NYAP2: variants seen among roughly 807,000 people sequenced by gnomAD.
NYAP2 encodes the protein neuronal tyrosine-phosphorylated phosphoinositide-3-kinase adaptor 2.
In NYAP2, 23 loss-of-function variants were observed where a neutral mutation model predicts 50.4. That is an observed-to-expected ratio of 0.46 (90% CI 0.33 to 0.65). The LOEUF (loss-of-function observed/expected upper bound fraction) is 0.65. Among genes scored for constraint, NYAP2 ranks in the 30% least tolerant of loss-of-function variants. The probability of loss-of-function intolerance (pLI) is 0.02; values close to 1 mark genes in which losing one functional copy is unlikely to be tolerated. For synonymous variants in NYAP2, 394 were observed against 365.2 expected, an observed-to-expected ratio of 1.08 and a Z score of -0.90; for missense variants, 885 against 861.0, an observed-to-expected ratio of 1.03 and a Z score of -0.35.
intron 3 of NYAP2, among the ~76,000 whole-genome samples, chr2:225,504,030 G>A (rs1395536332): frequency 2.6e-5 from 4 of 152,166 alleles, no homozygotes; most frequent in Non-Finnish European, 5.9e-5. Context: ...GCTATTTGAT[G>A]ACTGGGAACA....
intron 5 of NYAP2, among the ~76,000 whole-genome samples, chr2:225,617,119 C>T (rs904179102): frequency 6.6e-6 from 1 of 152,186 alleles, no homozygotes; most frequent in Non-Finnish European, 1.5e-5. Flanking sequence ...ACCAAGCGAT[C>T]TCTATGTGAG....
chr2:225,529,118 A>C (rs1283548147), intron 4 of NYAP2, among the ~76,000 whole-genome samples: 2 of 152,206 alleles, frequency 1.3e-5, no homozygotes, highest in East Asian at 3.9e-4. Flanking sequence ...AGGATTTTCT[A>C]AACAAAATGG....
rs138400553 is a variant in NYAP2, at chr2:225,597,706, C to T, written c.1618+14671C>T. Among the ~76,000 whole-genome samples, 80 of 150,398 alleles carry T rather than the reference C, an allele frequency of 5.3e-4. 1 individual carries two copies. The East Asian group carries it at 0.015, about 28-fold the overall frequency. ...TGGGAATGCTGGATCAAATAACAGC[C>T]GTTCTTTTAGGAAAAGCCAAACTTT... On this transcript the variant is annotated intron_variant, in intron 5 of 6. Transcript: ENST00000636099.
intron 4 of NYAP2, among the ~76,000 whole-genome samples, chr2:225,540,627 A>G (rs962785659): frequency 2.0e-5 from 3 of 152,192 alleles, no homozygotes; most frequent in Non-Finnish European, 4.4e-5. Context: ...GCCAAATCAT[A>G]TCAGGCTGAA....
intron 2 of NYAP2, among the ~76,000 whole-genome samples, chr2:225,401,942 T>A (rs1474558931): frequency 6.6e-6 from 1 of 152,042 alleles, no homozygotes; most frequent in Non-Finnish European, 1.5e-5. Context: ...TAGTGTGGAA[T>A]AACAAATATA....
chr2:225,459,929 C>T (rs1344384288), intron 3 of NYAP2, among the ~76,000 whole-genome samples: 1 of 152,174 alleles, frequency 6.6e-6, no homozygotes, highest in African/African-American at 2.4e-5. Context: ...ACCTCGGCCT[C>T]CCAAAGTTCT....
intron 6 of NYAP2, among the ~76,000 whole-genome samples, chr2:225,643,594 C>T (rs1574726884): frequency 7.0e-6 from 1 of 142,556 alleles, no homozygotes; most frequent in Non-Finnish European, 1.5e-5. Context: ...TCCCTCCCCC[C>T]TCCCCCACCC....
chr2:225,635,226 G>A (rs999433236), intron 6 of NYAP2, among the ~76,000 whole-genome samples: 1 of 152,158 alleles, frequency 6.6e-6, no homozygotes, highest in African/African-American at 2.4e-5. Flanking sequence ...TACTCATGAC[G>A]GTCCTTTTTG....
chr2:225,583,765 G>T (rs925553631), intron 5 of NYAP2, among the ~76,000 whole-genome samples: 2 of 152,188 alleles, frequency 1.3e-5, no homozygotes, highest in Non-Finnish European at 2.9e-5. Context: ...TTGAGGCCAG[G>T]CATGGTGGCT....
chr2:225,450,444 C>T (rs1377589845), intron 3 of NYAP2, among the ~76,000 whole-genome samples: 4 of 152,156 alleles, frequency 2.6e-5, no homozygotes, highest in African/African-American at 4.8e-5. Context: ...ATGAAAATCA[C>T]AGCAATAGAA....
At chr2:225,589,287 C>A (rs1230414209) in intron 5 of NYAP2, among the ~76,000 whole-genome samples, 9 of 149,010 alleles carry the variant, frequency 6.0e-5, no homozygotes, top group African/African-American at 2.0e-4. Flanking sequence ...ATCAACTTCC[C>A]AAAAAAATAA....
chr2:225,579,419 C>T (rs1314884655), intron 4 of NYAP2, among the ~76,000 whole-genome samples: 2 of 152,194 alleles, frequency 1.3e-5, no homozygotes, highest in East Asian at 3.8e-4. Flanking sequence ...TGTCCAGATT[C>T]CTTCTCAATT....
chr2:225,492,606 G>T (rs141486270), intron 3 of NYAP2, among the ~76,000 whole-genome samples: 137 of 152,284 alleles, frequency 9.0e-4, no homozygotes, highest in Admixed American at 3.7e-3. Context: ...ATAAAGAAAA[G>T]TTTAATTGGC....
chr2:225,480,516 G>A (rs753159941), intron 3 of NYAP2, among the ~76,000 whole-genome samples: 4 of 152,074 alleles, frequency 2.6e-5, no homozygotes, highest in Admixed American at 6.5e-5. Flanking sequence ...TGGACATGCC[G>A]AGGAAGGAAA....
intron 3 of NYAP2, among the ~76,000 whole-genome samples, chr2:225,437,535 A>C (rs975217131): frequency 1.3e-5 from 2 of 152,042 alleles, no homozygotes; most frequent in African/African-American, 4.8e-5. Flanking sequence ...TCATGTTTTC[A>C]CTTCCTGCCA....
intron 5 of NYAP2, among the ~76,000 whole-genome samples, chr2:225,613,320 A>G (rs1477446992): frequency 6.6e-6 from 1 of 152,274 alleles, no homozygotes; most frequent in East Asian, 1.9e-4. Flanking sequence ...GATGAAAGCC[A>G]GAAGACTCAT....
chr2:225,559,895 C>G (rs1208931521), intron 4 of NYAP2, among the ~76,000 whole-genome samples: 1 of 151,902 alleles, frequency 6.6e-6, no homozygotes, highest in Non-Finnish European at 1.5e-5. Context: ...TGCCCCTTTC[C>G]CAAGAACCAA....
At chr2:225,506,343 G>A (rs913155387) in intron 3 of NYAP2, among the ~76,000 whole-genome samples, 5 of 152,118 alleles carry the variant, frequency 3.3e-5, no homozygotes, top group African/African-American at 4.8e-5. Context: ...TGGGGAGAGC[G>A]TGTGAATATG....
intron 4 of NYAP2, among the ~76,000 whole-genome samples, chr2:225,539,687 G>C (rs1333381683): frequency 6.6e-6 from 1 of 151,770 alleles, no homozygotes; most frequent in Non-Finnish European, 1.5e-5. Context: ...TTTTTGTTGG[G>C]GTTGTTTGAT....
Sources: allele counts gnomAD v4.1 joint callset (sites outside exome capture counted in the v4.1 genomes callset), GRCh38; gene constraint gnomAD v4.1.1; transcripts MANE v1.5; gene names NCBI Gene and HGNC (gene_info 2026-07-23, HGNC 2026-07-21).